Variants in TMEM74 observed in about 807,000 individuals in gnomAD.
The protein encoded by TMEM74 is transmembrane protein 74.
In TMEM74, 13 loss-of-function variants were observed where a neutral mutation model predicts 18.1. That is an observed-to-expected ratio of 0.72 (90% CI 0.47 to 1.14). The LOEUF (loss-of-function observed/expected upper bound fraction) is 1.14, where lower values mean the gene tolerates loss of function less well. TMEM74 is among the 50% of genes most tolerant of loss of function. TMEM74 has a pLI of 0.00. For synonymous variants in TMEM74, 159 were observed against 146.6 expected (o/e 1.08, Z -0.61); for missense variants, 372 against 375.9 (o/e 0.99, Z 0.09).
At chr8:108,741,274 G>A (rs1056895148) in intron 1 of TMEM74, among the ~76,000 whole-genome samples, 1 of 152,144 alleles carries the variant, frequency 6.6e-6, no homozygotes, top group Admixed American at 6.5e-5. Context: ...TGAACACGTA[G>A]GTGATTTTAA....
chr8:108,611,315 G>A (rs1251630445), intron 2 of TMEM74, among the ~76,000 whole-genome samples: 1 of 152,110 alleles, frequency 6.6e-6, no homozygotes, highest in Non-Finnish European at 1.5e-5. Context: ...CTTTATAGGA[G>A]ACATTAAGAA....
chr8:108,631,351 A>T (rs1032935754), intron 2 of TMEM74, among the ~76,000 whole-genome samples: 1 of 151,944 alleles, frequency 6.6e-6, no homozygotes, highest in South Asian at 2.1e-4. Context: ...TTTGAATGTG[A>T]TTTGATTCTG....
intron 2 of TMEM74, among the ~76,000 whole-genome samples, chr8:108,640,157 G>A (rs1385593796): frequency 7.0e-6 from 1 of 142,212 alleles, no homozygotes; most frequent in Non-Finnish European, 1.5e-5. Context: ...ACGGAGTCCG[G>A]AGTCTTGCTC....
chr8:108,670,034 T>TAAAAAAAAA lies in TMEM74; in HGVS notation n.120-14598_120-14597insTTTTTTTTT, dbSNP rs1563745188. 1.8e-5 allele frequency among the ~76,000 whole-genome samples: 2 copies of TAAAAAAAAA among 113,942 alleles called. 1 individual carries two copies. 74.8% of individuals were successfully genotyped at this position (113,942 alleles called of 152,430 possible). On this transcript the variant is annotated intron_variant and non_coding_transcript_variant, in intron 1 of 3. Transcript: ENST00000518838. Reference sequence around the variant, plus strand: ...GCCTGGATGACAGAGTAAGATTCTGTGAAAAAAAAAAAAAAAAAAAAAAGG... The same window carrying TAAAAAAAAA: ...GCCTGGATGACAGAGTAAGATTCTGTAAAAAAAAAGAAAAAAAAAAAAAAAAAAAAAAGG...
chr8:108,608,323 G>GA (rs1241845831), intron 3 of TMEM74, among the ~76,000 whole-genome samples: 7 of 140,184 alleles, frequency 5.0e-5, no homozygotes, highest in East Asian at 2.1e-4. Flanking sequence ...AAGAAAAAAA[G>GA]AAAAAAAAAG....
chr8:108,713,889 G>A (rs899033203), intron 1 of TMEM74, among the ~76,000 whole-genome samples: 8 of 152,202 alleles, frequency 5.3e-5, no homozygotes, highest in Non-Finnish European at 1.2e-4. Context: ...CAAGGCCAAA[G>A]GCCTGAGAAC....
chr8:108,608,994 AT>A (rs1201721836), intron 2 of TMEM74, among the ~76,000 whole-genome samples: 3 of 152,230 alleles, frequency 2.0e-5, no homozygotes, highest in Admixed American at 6.5e-5. Flanking sequence ...AAATAAAAAA[AT>A]AAACAAATTT....
intron 1 of TMEM74, among the ~76,000 whole-genome samples, chr8:108,725,550 T>G (rs191470271): frequency 7.4e-4 from 112 of 152,260 alleles, no homozygotes; most frequent in African/African-American, 2.7e-3. Flanking sequence ...GTTTAGAAAA[T>G]TAGACTAATA....
chr8:108,666,177 C>T (rs1175248773), intron 1 of TMEM74, among the ~76,000 whole-genome samples: 1 of 152,054 alleles, frequency 6.6e-6, no homozygotes, highest in Admixed American at 6.6e-5. Context: ...TAAGAGAGAG[C>T]CTGGTGATAT....
At chr8:108,690,856 C>T (rs1182577465) in intron 1 of TMEM74, among the ~76,000 whole-genome samples, 2 of 151,894 alleles carry the variant, frequency 1.3e-5, no homozygotes, top group Admixed American at 6.6e-5. Context: ...AATAAAGTGC[C>T]AGCTCAGCCA....
chr8:108,741,388 A>G (rs915817202), intron 1 of TMEM74, among the ~76,000 whole-genome samples: 6 of 152,216 alleles, frequency 3.9e-5, no homozygotes, highest in African/African-American at 1.4e-4. Context: ...TTACATAGTA[A>G]AACACTTTTA....
chr8:108,694,679 G>GCATA (rs1267271197), intron 1 of TMEM74, among the ~76,000 whole-genome samples: 1 of 152,176 alleles, frequency 6.6e-6, no homozygotes, highest in Non-Finnish European at 1.5e-5. Context: ...CAAGATACAT[G>GCATA]CATACATACA....
chr8:108,760,441 C>T (rs971626965), intron 1 of TMEM74, among the ~76,000 whole-genome samples: 5 of 151,990 alleles, frequency 3.3e-5, no homozygotes, highest in Non-Finnish European at 7.4e-5. Flanking sequence ...TTGCCAGTAG[C>T]AGAGCTTGAC....
chr8:108,761,478 C>T (rs1342611313), intron 1 of TMEM74, among the ~76,000 whole-genome samples: 2 of 152,012 alleles, frequency 1.3e-5, no homozygotes, highest in East Asian at 3.9e-4. Flanking sequence ...CAGTTCTGTA[C>T]CTAGGCCATG....
intron 2 of TMEM74, among the ~76,000 whole-genome samples, chr8:108,623,427 C>T (rs1365517829): frequency 1.3e-5 from 2 of 152,076 alleles, no homozygotes; most frequent in Non-Finnish European, 2.9e-5. Context: ...AAACTAAGAA[C>T]TTTCTAACGG....
At chr8:108,718,353 A>G (rs1454984851) in intron 1 of TMEM74, among the ~76,000 whole-genome samples, 1 of 152,146 alleles carries the variant, frequency 6.6e-6, no homozygotes, top group Non-Finnish European at 1.5e-5. Flanking sequence ...TTAATATAGT[A>G]TATTGATACA....
chr8:108,749,858 A>T (rs1035335011), intron 1 of TMEM74, among the ~76,000 whole-genome samples: 2 of 152,138 alleles, frequency 1.3e-5, no homozygotes, highest in Non-Finnish European at 2.9e-5. Context: ...TCAGATTAGT[A>T]ACCACAGATA....
chr8:108,751,775 A>T (rs1813906238), intron 1 of TMEM74, among the ~76,000 whole-genome samples: 1 of 152,154 alleles, frequency 6.6e-6, no homozygotes, highest in Non-Finnish European at 1.5e-5. Flanking sequence ...AAATACTTTG[A>T]TCTTAGGAAA....
At chr8:108,695,321 G>A (rs1813270267) in intron 1 of TMEM74, among the ~76,000 whole-genome samples, 1 of 152,222 alleles carries the variant, frequency 6.6e-6, no homozygotes, top group Non-Finnish European at 1.5e-5. Flanking sequence ...ACACCAAGGA[G>A]ATTCGTAGAA....
Sources: allele counts gnomAD v4.1 joint callset (sites outside exome capture counted in the v4.1 genomes callset), GRCh38; gene constraint gnomAD v4.1.1; transcripts MANE v1.5; gene names NCBI Gene and HGNC (gene_info 2026-07-23, HGNC 2026-07-21).